Variants in GRID2 observed in about 807,000 individuals in gnomAD.
The protein encoded by GRID2 is glutamate receptor ionotropic, delta-2.
GRID2 carries 33 observed loss-of-function variants against 114.8 expected under a neutral mutation model. The ratio of observed to expected loss-of-function variants is 0.29; its 90% confidence interval spans 0.22 to 0.38. The LOEUF (loss-of-function observed/expected upper bound fraction) is 0.38. Among genes scored for constraint, GRID2 ranks in the 10% least tolerant of loss-of-function variants. GRID2 has a pLI of 1.00. For synonymous variants in GRID2, 505 were observed against 449.9 expected (o/e 1.12, Z -1.55); for missense variants, 1,184 against 1,257.7 (o/e 0.94, Z 0.89).
At chr4:93,037,870 G>A (rs531219388) in intron 2 of GRID2, among the ~76,000 whole-genome samples, 5 of 152,228 alleles carry the variant, frequency 3.3e-5, no homozygotes, top group African/African-American at 9.6e-5. Flanking sequence ...GTTAGGTAGC[G>A]TGATCCCTCC....
Position 93,774,351 on chromosome 4 carries a change from A to C in GRID2, c.*1853A>C, listed in dbSNP as rs551900252. On this transcript the variant is annotated 3_prime_UTR_variant, in exon 16 of 16. Transcript: ENST00000282020. ...TTTAAAACAAAAAAATCTTTACAAC[A>C]AGCTATATAGGGACATACCAGATGT... is the stretch of plus-strand genomic sequence containing the variant. 4 of 152,194 alleles carry C rather than the reference A, an allele frequency of 2.6e-5. No homozygotes were observed. Among genetic ancestry groups the C allele is most frequent in the Admixed American group, 2.6e-4 (4 of 15,282 alleles). The allele number at this position is 152,194 out of a possible 1,614,324, so 9.4% of individuals were successfully genotyped here. A position where few individuals can be genotyped will look rare whatever the true frequency, so the allele number is the denominator to read the frequency against.
intron 2 of GRID2, among the ~76,000 whole-genome samples, chr4:92,854,183 A>G (rs1744020167): frequency 6.6e-6 from 1 of 151,948 alleles, no homozygotes; most frequent in African/African-American, 2.4e-5. Context: ...GCAAAAACTC[A>G]AATTTGAGAG....
At chr4:92,842,150 C>T (rs1419449752) in intron 2 of GRID2, among the ~76,000 whole-genome samples, 1 of 152,094 alleles carries the variant, frequency 6.6e-6, no homozygotes, top group Non-Finnish European at 1.5e-5. Flanking sequence ...AGCCCAGACT[C>T]TCTCTAGGGA....
intron 4 of GRID2, among the ~76,000 whole-genome samples, chr4:93,152,205 G>A (rs2149398381): frequency 6.6e-6 from 1 of 152,174 alleles, no homozygotes; most frequent in East Asian, 1.9e-4. Flanking sequence ...AAATCTCAAA[G>A]ATTAAACCGA....
At chr4:93,320,981 T>G (rs1757147939) in intron 8 of GRID2, among the ~76,000 whole-genome samples, 1 of 151,982 alleles carries the variant, frequency 6.6e-6, no homozygotes, top group African/African-American at 2.4e-5. Context: ...GGAAAGATGA[T>G]TTTGCAGAAA....
intron 8 of GRID2, among the ~76,000 whole-genome samples, chr4:93,358,265 A>T (rs1466203622): frequency 6.6e-6 from 1 of 151,888 alleles, no homozygotes; most frequent in Non-Finnish European, 1.5e-5. Flanking sequence ...TTACTTTAAA[A>T]ATATTAATTA....
chr4:92,594,084 G>A (rs1728835941), intron 2 of GRID2, among the ~76,000 whole-genome samples: 1 of 151,540 alleles, frequency 6.6e-6, no homozygotes. Flanking sequence ...GGGTTACCAT[G>A]CTTGTGTGTA....
chr4:93,504,335 TGGAG>T, intron 12 of GRID2, among the ~76,000 whole-genome samples: 1 of 152,004 alleles, frequency 6.6e-6, no homozygotes, highest in Non-Finnish European at 1.5e-5. Flanking sequence ...ATGTCAGCCT[TGGAG>T]GGTATATTGA....
chr4:93,532,858 C>T (rs562513641), intron 13 of GRID2, among the ~76,000 whole-genome samples: 1 of 152,242 alleles, frequency 6.6e-6, no homozygotes, highest in East Asian at 1.9e-4. Flanking sequence ...ATCTCATTTT[C>T]TAACCCTGCA....
At chr4:93,730,654 G>C (rs1206186604) in intron 14 of GRID2, among the ~76,000 whole-genome samples, 1 of 152,140 alleles carries the variant, frequency 6.6e-6, no homozygotes, top group Non-Finnish European at 1.5e-5. Context: ...TGCTGAGGGA[G>C]CCCCAAACAA....
chr4:92,395,337 A>C, intron 1 of GRID2, among the ~76,000 whole-genome samples: 1 of 151,658 alleles, frequency 6.6e-6, no homozygotes, highest in East Asian at 1.9e-4. Context: ...TTCACTCGAT[A>C]AAAAATATTG....
intron 14 of GRID2, among the ~76,000 whole-genome samples, chr4:93,647,918 T>C (rs1722251718): frequency 6.6e-6 from 1 of 152,192 alleles, no homozygotes; most frequent in East Asian, 1.9e-4. Flanking sequence ...TTACATGTAC[T>C]AACTCCTTTA....
At chr4:93,669,824 C>G (rs149750098) in intron 14 of GRID2, among the ~76,000 whole-genome samples, 1 of 152,064 alleles carries the variant, frequency 6.6e-6, no homozygotes, top group South Asian at 2.1e-4. Flanking sequence ...TCCAACCCAC[C>G]CTGCACCTTC....
At chr4:92,664,066 T>C (rs988207158) in intron 2 of GRID2, among the ~76,000 whole-genome samples, 2 of 151,246 alleles carry the variant, frequency 1.3e-5, no homozygotes, top group African/African-American at 4.8e-5. Flanking sequence ...CTGGGTTTTG[T>C]CTGTTTGTCT....
chr4:92,975,846 G>T (rs905113845), intron 2 of GRID2, among the ~76,000 whole-genome samples: 1 of 152,004 alleles, frequency 6.6e-6, no homozygotes, highest in Admixed American at 6.6e-5. Context: ...TGATAGCAAA[G>T]AAACTAACAT....
chr4:93,481,170 G>A (rs1032768953), intron 11 of GRID2, among the ~76,000 whole-genome samples: 1 of 152,008 alleles, frequency 6.6e-6, no homozygotes, highest in African/African-American at 2.4e-5. Flanking sequence ...CTAATTTGTA[G>A]CATGGAGTCA....
At chr4:92,652,060 A>C (rs956102297) in intron 2 of GRID2, among the ~76,000 whole-genome samples, 6 of 152,074 alleles carry the variant, frequency 3.9e-5, no homozygotes, top group African/African-American at 1.4e-4. Flanking sequence ...AGGATCAATC[A>C]CATACGTACC....
chr4:93,304,407 T>A (rs1011397419), intron 8 of GRID2, among the ~76,000 whole-genome samples: 2 of 151,730 alleles, frequency 1.3e-5, no homozygotes, highest in African/African-American at 4.8e-5. Context: ...ACCACAAATA[T>A]AGGATTTTTA....
At chr4:92,709,591 T>TAA (rs1560545427) in intron 2 of GRID2, among the ~76,000 whole-genome samples, 1 of 102,202 alleles carries the variant, frequency 9.8e-6, no homozygotes, top group South Asian at 3.5e-4. Context: ...AAAAAAAAAA[T>TAA]ATATATATAT....
Sources: gnomAD v4.1 joint callset for allele counts (sites outside exome capture counted in the v4.1 genomes callset) on GRCh38, gnomAD v4.1.1 for gene constraint, MANE v1.5 for transcripts, NCBI Gene and HGNC (gene_info 2026-07-23, HGNC 2026-07-21) for gene names.